MEAK7: variants seen among roughly 807,000 people sequenced by gnomAD.
The protein encoded by MEAK7 is MTOR associated protein MEAK7, also known as MTOR-associated protein MEAK7.
Under a neutral mutation model 40.5 loss-of-function variants are expected in MEAK7, and 68 were observed. The observed-to-expected ratio is 1.68, with a 90% CI of 1.38 to 2.06. The LOEUF is 2.06. Ranked by LOEUF, MEAK7 falls within the 30% of genes most tolerant of loss-of-function variation. The pLI is 0.00. For missense variants in MEAK7, 918 were observed against 580.5 expected (o/e 1.58, Z -5.98); for synonymous variants, 338 against 231.9 (o/e 1.46, Z -4.16).
At position 84,476,517 on chromosome 16, in the gene MEAK7, T is replaced by G. The variant is rs1912119064; in HGVS notation, c.*3396A>C. 6.6e-6 allele frequency: 1 copy of G among 152,130 alleles called. No homozygotes were observed. Among genetic ancestry groups the G allele is most frequent in the Non-Finnish European group, 1.5e-5 (1 of 68,034 alleles). 9.4% of individuals were successfully genotyped at this position (152,130 alleles called of 1,614,324 possible). A position where few individuals can be genotyped will look rare whatever the true frequency, so the allele number is the denominator to read the frequency against. On this transcript the variant is annotated 3_prime_UTR_variant, in exon 8 of 8. Coordinates refer to ENST00000343629, the MANE Select transcript of MEAK7 (RefSeq NM_020947.4). ...TCCAACAATTCCAATTCTAAGAGTT[T>G]ATCCCACAGACACCATCACAGCAAG...
Position 84,480,638 on chromosome 16 carries a change from G to A in MEAK7, c.1148C>T (p.Ala383Val). 1 of 1,614,062 alleles carries A rather than the reference G, an allele frequency of 6.2e-7. No individual in the cohort carries two copies. Among genetic ancestry groups the A allele is most frequent in the Non-Finnish European group, 8.5e-7 (1 of 1,179,970 alleles). ...GTTGTACGTGGTGCACGTGGGCTTG[G>A]CTCTGCTGTGTCCTTTCCCAAAATC... ...DVDFGKGHSR[A>V]KPTCTTYNSP... The change falls in exon 7 of 8, where the codon GCC (alanine) becomes GTC (valine). Residue 383 changes from alanine (A) to valine (V), a missense_variant. Transcript: ENST00000343629.
intron 1 of MEAK7, among the ~76,000 whole-genome samples, chr16:84,499,706 T>C (rs1914342312): frequency 6.6e-6 from 1 of 152,156 alleles, no homozygotes. Context: ...CTACTTTCTG[T>C]CCTGATGCAT....
chr16:84,490,692 G>GTGTGTGTGTGTGTGTGTGTATT (rs1188978007), intron 3 of MEAK7, among the ~76,000 whole-genome samples: 1 of 148,738 alleles, frequency 6.7e-6, no homozygotes, highest in Non-Finnish European at 1.5e-5. Flanking sequence ...GTGTGTGTGT[G>GTGTGTGTGTGTGTGTGTGTATT]TGTATTTAAA....
At chr16:84,490,654 A>ATGTGTGTGTGTGTG (rs35489449) in intron 3 of MEAK7, among the ~76,000 whole-genome samples, 133 of 137,608 alleles carry the variant, frequency 9.7e-4, no homozygotes, top group African/African-American at 2.8e-3. Flanking sequence ...GCTAATCAAG[A>ATGTGTGTGTGTGTG]TGTGTGTGTG....
intron 4 of MEAK7, among the ~76,000 whole-genome samples, 157 bp downstream of exon 4, chr16:84,489,121 T>C (rs1032017497): frequency 6.6e-6 from 1 of 152,240 alleles, no homozygotes; most frequent in Non-Finnish European, 1.5e-5. Context: ...AAAATAAGGA[T>C]TATTTTAAAA....
intron 3 of MEAK7, among the ~76,000 whole-genome samples, chr16:84,492,338 A>G (rs540862218): frequency 6.6e-6 from 1 of 152,264 alleles, no homozygotes; most frequent in South Asian, 2.1e-4. Flanking sequence ...TACAAATTAC[A>G]TCTTATGGTC....
chr16:84,486,906 G>A lies in MEAK7; in HGVS notation c.683C>T (p.Thr228Ile). Reference protein sequence around the residue: ...FLILCSSLDLTTLVPERQVDQ... With the variant: ...FLILCSSLDLITLVPERQVDQ... ...CACTTGACGCTCAGGGACCAGGGTA[G>A]TCAGATCAAGAGACGAGCACAGGAT... The change falls in exon 5 of 8, where the codon ACT becomes ATT. Residue 228 changes from threonine to isoleucine, a missense_variant. Transcript: ENST00000343629. 1 of 1,614,214 alleles carries A rather than the reference G, an allele frequency of 6.2e-7. No homozygotes were observed. The highest frequency in any genetic ancestry group is 8.5e-7 in the Non-Finnish European group (1 of 1,180,032).
intron 4 of MEAK7, chr16:84,488,184 T>C (rs1913259762): frequency 6.6e-6 from 1 of 152,220 alleles, no homozygotes; most frequent in African/African-American, 2.4e-5. Context: ...CTGAAAACTT[T>C]AATTTTTATT....
chr16:84,491,643 A>C (rs1440697797), intron 3 of MEAK7, among the ~76,000 whole-genome samples: 9 of 151,486 alleles, frequency 5.9e-5, no homozygotes, highest in Non-Finnish European at 1.5e-5. Context: ...TCAAGGCCAT[A>C]CTGGCTAACA....
chr16:84,497,685 G>T (rs776438599), intron 2 of MEAK7: 11 of 1,476,456 alleles, frequency 7.5e-6, no homozygotes, highest in Non-Finnish European at 9.9e-6. Flanking sequence ...TTCAAAAACG[G>T]GGAGGGATGC....
chr16:84,501,896 G>C (rs1220501745), intron 1 of MEAK7, among the ~76,000 whole-genome samples: 1 of 152,220 alleles, frequency 6.6e-6, no homozygotes, highest in South Asian at 2.1e-4. Flanking sequence ...TGTAATCCCA[G>C]CACTTTGGGA....
chr16:84,492,900 C>T (rs1227939073), intron 3 of MEAK7, among the ~76,000 whole-genome samples: 1 of 152,316 alleles, frequency 6.6e-6, no homozygotes, highest in East Asian at 1.9e-4. Flanking sequence ...GTGTTTTAAA[C>T]TTCTGATATT....
At chr16:84,486,584 T>G in intron 5 of MEAK7, 47 bp downstream of exon 5, 1 of 1,535,644 alleles carries the variant, frequency 6.5e-7, no homozygotes, top group Non-Finnish European at 8.7e-7. Context: ...CCAGAGCTCT[T>G]TGCCCGTGCT....
intron 3 of MEAK7, among the ~76,000 whole-genome samples, chr16:84,493,633 G>A (rs753969543): frequency 6.6e-6 from 1 of 151,918 alleles, no homozygotes; most frequent in East Asian, 1.9e-4. Flanking sequence ...ATCCCTTTCT[G>A]TCTACCTAAT....
intron 5 of MEAK7, chr16:84,486,367 C>A: frequency 9.1e-7 from 1 of 1,102,144 alleles, no homozygotes; most frequent in South Asian, 2.8e-5. Context: ...CTTGACTTCT[C>A]CCACGCCCCA....
At chr16:84,499,338 G>A (rs947170557) in intron 1 of MEAK7, among the ~76,000 whole-genome samples, 1 of 152,100 alleles carries the variant, frequency 6.6e-6, no homozygotes, top group Non-Finnish European at 1.5e-5. Flanking sequence ...GAGAGAAAAC[G>A]ACCTTCTCCC....
intron 1 of MEAK7, among the ~76,000 whole-genome samples, chr16:84,503,223 G>A (rs1914642265): frequency 6.6e-6 from 1 of 152,018 alleles, no homozygotes; most frequent in African/African-American, 2.4e-5. Context: ...AAAATCTCAT[G>A]TTTTAAGAAA....
At chr16:84,503,206 T>TA (rs11284965) in intron 1 of MEAK7, among the ~76,000 whole-genome samples, 1 of 151,822 alleles carries the variant, frequency 6.6e-6, no homozygotes, top group African/African-American at 2.4e-5. Flanking sequence ...ACATATATGG[T>TA]AAAAAAAAAA....
At chr16:84,496,085 G>A (rs1054472050) in intron 2 of MEAK7, among the ~76,000 whole-genome samples, 172 bp from the exon 3 acceptor site, 8 of 152,150 alleles carry the variant, frequency 5.3e-5, no homozygotes, top group Admixed American at 2.6e-4. Flanking sequence ...GAGCCAGGCC[G>A]GAAACTTTGA....
Sources: allele counts gnomAD v4.1 joint callset (sites outside exome capture counted in the v4.1 genomes callset), GRCh38; gene constraint gnomAD v4.1.1; transcripts MANE v1.5; gene names NCBI Gene and HGNC (gene_info 2026-07-23, HGNC 2026-07-21).